The following CYRIA variants were observed in gnomAD, a reference collection of about 807,000 sequenced individuals.
CYRIA encodes CYFIP-related Rac1 interactor A.
A neutral mutation model predicts 43.9 loss-of-function variants in CYRIA; 15 were observed. The observed-to-expected ratio is 0.34, with a 90% CI of 0.23 to 0.53. The LOEUF (loss-of-function observed/expected upper bound fraction) is 0.53. Among genes scored for constraint, CYRIA ranks in the 20% least tolerant of loss-of-function variants. The pLI is 0.94. For synonymous variants in CYRIA, 117 were observed against 136.0 expected (o/e 0.86, Z 0.97); for missense variants, 236 against 394.2 (o/e 0.60, Z 3.40).
intron 1 of CYRIA, among the ~76,000 whole-genome samples, chr2:16,631,837 G>A (rs12471215): frequency 0.083 from 12,578 of 152,230 alleles, 603 homozygotes; most frequent in South Asian, 0.14. Context: ...CCATGGCCAC[G>A]CTGCAGTGAG....
chr2:16,634,504 T>A (rs1045429699), intron 1 of CYRIA, among the ~76,000 whole-genome samples: 2 of 152,216 alleles, frequency 1.3e-5, no homozygotes, highest in Non-Finnish European at 2.9e-5. Flanking sequence ...TCCCATGACT[T>A]TTCTAATTCC....
At chr2:16,608,588 G>A (rs1427773860) in intron 2 of CYRIA, among the ~76,000 whole-genome samples, 6 of 152,332 alleles carry the variant, frequency 3.9e-5, no homozygotes, top group East Asian at 1.9e-4. Flanking sequence ...CGTTGGGAGA[G>A]TCATTGGACT....
intron 2 of CYRIA, among the ~76,000 whole-genome samples, chr2:16,613,642 A>G (rs1320174659): frequency 1.3e-5 from 2 of 152,228 alleles, no homozygotes; most frequent in African/African-American, 4.8e-5. Flanking sequence ...TTATCCACTA[A>G]GGGGCATTAT....
At chr2:16,592,821 AG>A (rs1460786504) in intron 2 of CYRIA, among the ~76,000 whole-genome samples, 1 of 152,186 alleles carries the variant, frequency 6.6e-6, no homozygotes, top group Non-Finnish European at 1.5e-5. Context: ...AAAAACAAAA[AG>A]CTGTACTTCT....
At chr2:16,568,230 A>G (rs1456669925) in intron 3 of CYRIA, among the ~76,000 whole-genome samples, 16 of 133,018 alleles carry the variant, frequency 1.2e-4, no homozygotes, top group African/African-American at 5.1e-4. Flanking sequence ...AAAATCAGAA[A>G]AAAAAAAAAA....
intron 1 of CYRIA, among the ~76,000 whole-genome samples, chr2:16,659,718 G>T (rs1670198496): frequency 6.6e-6 from 1 of 152,222 alleles, no homozygotes; most frequent in African/African-American, 2.4e-5. Context: ...GTTGGGATAA[G>T]AGCTTGTCAC....
intron 2 of CYRIA, among the ~76,000 whole-genome samples, chr2:16,590,966 C>T (rs1002969264): frequency 6.6e-6 from 1 of 152,068 alleles, no homozygotes; most frequent in African/African-American, 2.4e-5. Flanking sequence ...AGATGGTCAC[C>T]TAGTAGACTC....
intron 1 of CYRIA, among the ~76,000 whole-genome samples, chr2:16,635,541 C>G (rs1341882843): frequency 6.6e-6 from 1 of 152,200 alleles, no homozygotes; most frequent in East Asian, 1.9e-4. Context: ...AATGCAGTCT[C>G]TCTTTAGCAA....
At chr2:16,613,500 C>T (rs906730288) in intron 2 of CYRIA, among the ~76,000 whole-genome samples, 1 of 150,066 alleles carries the variant, frequency 6.7e-6, no homozygotes, top group Non-Finnish European at 1.5e-5. Flanking sequence ...CTAAGCGCTA[C>T]ATGCAAATGC....
intron 3 of CYRIA, among the ~76,000 whole-genome samples, chr2:16,567,669 T>C (rs1666988508): frequency 6.6e-6 from 1 of 152,008 alleles, no homozygotes; most frequent in Non-Finnish European, 1.5e-5. Context: ...TCCTAAGAAA[T>C]GAAGAGTGAA....
chr2:16,629,970 A>G (rs1370495535), intron 1 of CYRIA, among the ~76,000 whole-genome samples: 1 of 152,098 alleles, frequency 6.6e-6, no homozygotes, highest in Non-Finnish European at 1.5e-5. Context: ...AAGCCCAGAG[A>G]CCAGATAGTG....
intron 3 of CYRIA, among the ~76,000 whole-genome samples, chr2:16,581,110 T>C (rs188501874): frequency 4.2e-4 from 64 of 152,280 alleles, no homozygotes; most frequent in African/African-American, 1.5e-3. Flanking sequence ...CTGTACTTCA[T>C]CAAAATTTGA....
chr2:16,586,293 T>C (rs1572482245), intron 3 of CYRIA, among the ~76,000 whole-genome samples: 4 of 152,206 alleles, frequency 2.6e-5, no homozygotes, highest in Middle Eastern at 6.8e-3. Flanking sequence ...CAATTAAACA[T>C]GTAAATAGTA....
intron 1 of CYRIA, among the ~76,000 whole-genome samples, chr2:16,659,062 A>T (rs912514731): frequency 2.0e-5 from 3 of 152,226 alleles, no homozygotes; most frequent in Non-Finnish European, 4.4e-5. Flanking sequence ...ACCCTGAAGG[A>T]CGTCAGCCAA....
At chr2:16,570,888 T>A (rs111847996) in intron 3 of CYRIA, among the ~76,000 whole-genome samples, 1 of 152,180 alleles carries the variant, frequency 6.6e-6, no homozygotes, top group African/African-American at 2.4e-5. Flanking sequence ...TTCTAACCAT[T>A]GCCAATTATT....
rs142241910 is a variant in CYRIA, at chr2:16,572,269, T to A, written c.71-6502A>T. 8.2e-3 allele frequency among the ~76,000 whole-genome samples: 1,253 copies of A among 152,140 alleles called. 18 individuals carry two copies. Among genetic ancestry groups the A allele is most frequent in the African/African-American group, 0.028 (1,170 of 41,502 alleles). ...GCCTGTCTCCTCCCTACCTGCAGGG[T>A]CATAATGAAGATGATGGAATAGATT... On this transcript the variant is annotated intron_variant, in intron 3 of 11. Coordinates refer to ENST00000381323, the MANE Select transcript of CYRIA (RefSeq NM_030797.4).
At chr2:16,626,012 C>T (rs1476897107) in intron 1 of CYRIA, among the ~76,000 whole-genome samples, 3 of 152,088 alleles carry the variant, frequency 2.0e-5, no homozygotes, top group Admixed American at 1.3e-4. Flanking sequence ...ACACCTCCTG[C>T]TTGTCTTCCT....
intron 3 of CYRIA, among the ~76,000 whole-genome samples, chr2:16,571,047 G>T (rs765507928): frequency 1.3e-5 from 2 of 152,120 alleles, no homozygotes; most frequent in Non-Finnish European, 2.9e-5. Flanking sequence ...GACATTATGT[G>T]GGGGGATGAT....
In CYRIA at chr2:16,660,171, T is replaced by A. The variant is rs141768619; in HGVS notation, c.-167+5609A>T. On this transcript the variant is annotated intron_variant, in intron 1 of 11. Coordinates refer to ENST00000381323, the MANE Select transcript of CYRIA (RefSeq NM_030797.4). ...TAGAGGAAATGAGTCCAAGAGCTTA[T>A]TAGAATCATCAGGCTAGATGTGGAA... Among the ~76,000 whole-genome samples the A allele has an allele frequency of 2.6e-3, 401 of 152,302 alleles. 2 individuals are homozygous for A. The highest frequency in any genetic ancestry group is 9.3e-3 in the African/African-American group (388 of 41,568).
Sources: gnomAD v4.1 joint callset for allele counts (sites outside exome capture counted in the v4.1 genomes callset) on GRCh38, gnomAD v4.1.1 for gene constraint, MANE v1.5 for transcripts, NCBI Gene and HGNC (gene_info 2026-07-23, HGNC 2026-07-21) for gene names.